CBLN2: variants seen among roughly 807,000 people sequenced by gnomAD.
CBLN2 encodes cerebellin-2.
A neutral mutation model predicts 15.0 loss-of-function variants in CBLN2; 7 were observed. The ratio of observed to expected loss-of-function variants is 0.47; its 90% CI spans 0.27 to 0.88. CBLN2 has a LOEUF of 0.88. Ranked by LOEUF, CBLN2 falls within the 40% of genes least tolerant of loss-of-function variation. The pLI, the probability that CBLN2 is intolerant of heterozygous loss-of-function variation, is 0.14. For missense variants in CBLN2, 242 were observed against 304.5 expected (o/e 0.79, Z 1.53); for synonymous variants, 149 against 135.2 (o/e 1.10, Z -0.71).
intron 1 of CBLN2, among the ~76,000 whole-genome samples, chr18:72,562,696 T>C (rs1225378972): frequency 6.6e-6 from 1 of 152,244 alleles, no homozygotes. Context: ...CAGACAATAG[T>C]GGAAAATGAA....
chr18:72,560,731 G>T, intron 1 of CBLN2, among the ~76,000 whole-genome samples: 1 of 152,196 alleles, frequency 6.6e-6, no homozygotes, highest in East Asian at 1.9e-4. Context: ...AAAATAGGCC[G>T]GGTGTGGTGG....
chr18:72,554,423 G>A (rs1428853763), intron 1 of CBLN2, among the ~76,000 whole-genome samples: 1 of 152,068 alleles, frequency 6.6e-6, no homozygotes, highest in East Asian at 1.9e-4. Flanking sequence ...TAGAGAAATT[G>A]TTCCCTTTCC....
chr18:72,567,870 A>T (rs1228439024), intron 1 of CBLN2, among the ~76,000 whole-genome samples: 2 of 152,344 alleles, frequency 1.3e-5, no homozygotes, highest in Non-Finnish European at 2.9e-5. Flanking sequence ...GCAAGTATAC[A>T]TTGCATTTAT....
chr18:72,615,041 A>G (rs2069647568), intron 1 of CBLN2, among the ~76,000 whole-genome samples: 1 of 139,020 alleles, frequency 7.2e-6, no homozygotes. Flanking sequence ...AAGTACATAT[A>G]TATATATATA....
At chr18:72,595,908 G>T (rs1361877306) in intron 1 of CBLN2, among the ~76,000 whole-genome samples, 1 of 151,946 alleles carries the variant, frequency 6.6e-6, no homozygotes, top group African/African-American at 2.4e-5. Flanking sequence ...CAGTCTATGT[G>T]TGTCTTTATA....
At position 72,568,120 on chromosome 18, in the gene CBLN2, A is replaced by G. The variant is rs542979660; in HGVS notation, c.16-29348T>C. On this transcript the variant is annotated intron_variant, in intron 1 of 2. Transcript: ENST00000581073. ...TCAAATGCCGCTATATCCATTATTC[A>G]TTCTGTAAGTTTGACCTGTTGTGTA... 8.5e-5 allele frequency among the ~76,000 whole-genome samples: 13 copies of G among 152,122 alleles called. No homozygotes were observed. In the South Asian group the frequency reaches 2.7e-3, roughly 32 times the overall value.
chr18:72,636,563 T>C (rs533709960), intron 1 of CBLN2, among the ~76,000 whole-genome samples: 1 of 152,290 alleles, frequency 6.6e-6, no homozygotes, highest in African/African-American at 2.4e-5. Flanking sequence ...GATATGCACA[T>C]GGCAATGACC....
intron 1 of CBLN2, among the ~76,000 whole-genome samples, chr18:72,601,517 A>C (rs1425261616): frequency 2.6e-5 from 4 of 152,140 alleles, no homozygotes; most frequent in Non-Finnish European, 5.9e-5. Flanking sequence ...TTCCCACGTA[A>C]ATAAAGGAGT....
At position 72,544,241 on chromosome 18, in the gene CBLN2, T is replaced by A. The variant is rs1321204228; in HGVS notation, c.-476A>T. 3.5e-5 allele frequency: 2 copies of A among 57,376 alleles called. No individual in the cohort carries two copies. Among genetic ancestry groups the A allele is most frequent in the Non-Finnish European group, 1.3e-4 (2 of 14,830 alleles). The allele number at this position is 57,376 out of a possible 1,614,324, so 3.6% of individuals were successfully genotyped here. A position where few individuals can be genotyped will look rare whatever the true frequency, so the allele number is the denominator to read the frequency against. On this transcript the variant is annotated 5_prime_UTR_variant, in exon 1 of 5. Coordinates refer to ENST00000269503, the MANE Select transcript of CBLN2 (RefSeq NM_182511.4). ...CTTGAGAATTTGATGATTTAGGAGC[T>A]GTGGTTCCAGAGTCCCAGTTGGGGA...
At chr18:72,609,232 C>A (rs1016101117) in intron 1 of CBLN2, among the ~76,000 whole-genome samples, 4 of 152,086 alleles carry the variant, frequency 2.6e-5, no homozygotes, top group Admixed American at 2.0e-4. Flanking sequence ...TTTTTATGGG[C>A]TCCCATAATT....
intron 1 of CBLN2, among the ~76,000 whole-genome samples, chr18:72,555,499 A>C (rs906583113): frequency 6.6e-6 from 1 of 152,042 alleles, no homozygotes; most frequent in Non-Finnish European, 1.5e-5. Flanking sequence ...TATTAGGTTG[A>C]GTTGTTGCCG....
intron 1 of CBLN2, among the ~76,000 whole-genome samples, chr18:72,568,023 T>C (rs549339692): frequency 2.0e-5 from 3 of 152,340 alleles, no homozygotes; most frequent in African/African-American, 7.2e-5. Context: ...CATTTTCACC[T>C]CTTTTCTCAC....
intron 1 of CBLN2, among the ~76,000 whole-genome samples, chr18:72,583,135 G>C (rs1053673713): frequency 6.6e-6 from 1 of 152,124 alleles, no homozygotes; most frequent in Non-Finnish European, 1.5e-5. Context: ...ACAAGAGTGA[G>C]GTCTGATCAG....
intron 1 of CBLN2, among the ~76,000 whole-genome samples, chr18:72,570,955 T>C (rs1434646085): frequency 2.0e-5 from 3 of 152,184 alleles, no homozygotes; most frequent in Non-Finnish European, 4.4e-5. Flanking sequence ...TTATGAATAA[T>C]GAGGATTGAC....
chr18:72,634,125 C>T (rs9319847), intron 1 of CBLN2, among the ~76,000 whole-genome samples: 87,346 of 151,790 alleles, frequency 0.58, 26,337 homozygotes, highest in Middle Eastern at 0.67. Context: ...GTTTCTATGG[C>T]ATGCACAATA....
intron 1 of CBLN2, among the ~76,000 whole-genome samples, chr18:72,571,629 A>G (rs889898721): frequency 1.3e-5 from 2 of 152,186 alleles, no homozygotes; most frequent in Non-Finnish European, 2.9e-5. Context: ...CAGGCCCCTT[A>G]ACTACTTGTG....
At position 72,543,831 on chromosome 18, in the gene CBLN2, G is replaced by T. The variant is rs2069137323; in HGVS notation, c.-212+146C>A. On this transcript the variant is annotated intron_variant, in intron 1 of 4. Transcript: ENST00000269503. This position sits in a 1 kb window ranked among gnomAD's most constrained non-coding sequence, Gnocchi z 6.8. ...TCGAGCTCCCGCGCTCAGCGCGTCC[G>T]CAGCGCGGCTCCCTCGCGGGTCCCC... The T allele has an allele frequency of 6.2e-6, 1 of 161,438 alleles. No homozygotes were observed. The allele number at this position is 161,438 out of a possible 1,614,324, so 10.0% of individuals were successfully genotyped here. A position where few individuals can be genotyped will look rare whatever the true frequency, so the allele number is the denominator to read the frequency against.
At chr18:72,619,920 C>T (rs2069688526) in intron 1 of CBLN2, among the ~76,000 whole-genome samples, 1 of 152,234 alleles carries the variant, frequency 6.6e-6, no homozygotes, top group Admixed American at 6.5e-5. Context: ...CAAATGAGTA[C>T]AGGAACTGAA....
intron 1 of CBLN2, among the ~76,000 whole-genome samples, chr18:72,554,002 C>A (rs1193593736): frequency 3.3e-5 from 5 of 152,144 alleles, no homozygotes; most frequent in Non-Finnish European, 5.9e-5. Context: ...GTGCATATTT[C>A]CATAATGAAG....
Sources: allele counts gnomAD v4.1 joint callset (sites outside exome capture counted in the v4.1 genomes callset), GRCh38; gene constraint gnomAD v4.1.1; non-coding constraint Gnocchi (gnomAD v3.1); transcripts MANE v1.5; gene names NCBI Gene and HGNC (gene_info 2026-07-23, HGNC 2026-07-21).